ERI1: variants seen among roughly 807,000 people sequenced by gnomAD.
ERI1 encodes exoribonuclease 1, also known as 3'-5' exoribonuclease 1.
A neutral mutation model predicts 39.7 loss-of-function variants in ERI1; 39 were observed. The observed-to-expected ratio is 0.98, with a 90% CI of 0.76 to 1.28. ERI1 has a LOEUF of 1.28. Among genes scored for constraint, ERI1 ranks in the 50% most tolerant of loss-of-function variants. The pLI, the probability that ERI1 is intolerant of heterozygous loss-of-function variation, is 0.00. For missense variants in ERI1, 581 were observed against 416.9 expected (o/e 1.39, Z -3.43); for synonymous variants, 204 against 149.6 (o/e 1.36, Z -2.65).
rs1428774632 is a variant in ERI1 at position 9,011,659 on chromosome 8, T to G, written c.405T>G (p.Phe135Leu). 5 of 1,613,576 alleles carry G rather than the reference T, an allele frequency of 3.1e-6. No homozygotes were observed. The highest frequency in any genetic ancestry group is 1.3e-5 in the African/African-American group (1 of 74,930). The change falls in exon 3 of 7, where the codon TTT (phenylalanine) becomes TTG (leucine). Residue 135 changes from phenylalanine (F) to leucine (L), a missense_variant. Physicochemically the swap from Phe to Leu is conservative, Grantham distance 22. Coordinates refer to ENST00000250263, the MANE Select transcript of ERI1 (RefSeq NM_153332.4). ...SYYDYICIID[F>L]EATCEEGNPP... ...ATGACTACATTTGTATTATTGACTTTGAAGCCACTTGTGAAGAAGGAAACC... is the reference window on the plus strand; with the variant it reads ...ATGACTACATTTGTATTATTGACTTGGAAGCCACTTGTGAAGAAGGAAACC...
intron 3 of ERI1, among the ~76,000 whole-genome samples, chr8:9,090,519 G>T (rs1164438280): frequency 6.6e-6 from 1 of 152,220 alleles, no homozygotes; most frequent in Non-Finnish European, 1.5e-5. Context: ...AAATGAAGTA[G>T]AATACGTTGG....
chr8:9,072,372 A>G (rs943490082), intron 3 of ERI1: 2 of 152,214 alleles, frequency 1.3e-5, no homozygotes, highest in African/African-American at 4.8e-5. Context: ...GGACATTTCA[A>G]TATTTGGAAG....
At chr8:9,044,927 G>A (rs1798130355) in intron 3 of ERI1, among the ~76,000 whole-genome samples, 1 of 151,986 alleles carries the variant, frequency 6.6e-6, no homozygotes, top group Admixed American at 6.6e-5. Flanking sequence ...TTAGAGTCCT[G>A]ACCACGAAGC....
At position 9,030,028 on chromosome 8, in the gene ERI1, A is replaced by T. The variant is rs769403980; in HGVS notation, c.1044A>T (p.Arg348Ser). Residue 348 changes from arginine (R) to serine (S), a missense_variant, in exon 7 of 7, where the codon AGA becomes AGT. Arg to Ser is a moderately radical substitution (Grantham distance 110). Coordinates refer to ENST00000250263, the MANE Select transcript of ERI1 (RefSeq NM_153332.4). ...GTPPPQMPHF[R>S]K ...CACCACCACAAATGCCACATTTTAG[A>T]AAGTAACAACAGTTTTGTGTGTGGA... The T allele has an allele frequency of 6.3e-7, 1 of 1,584,902 alleles. No homozygotes were observed. Among genetic ancestry groups the T allele is most frequent in the Non-Finnish European group, 8.6e-7 (1 of 1,165,934 alleles).
intron 3 of ERI1, among the ~76,000 whole-genome samples, chr8:9,095,323 C>T (rs763477836): frequency 2.0e-5 from 3 of 152,100 alleles, no homozygotes; most frequent in Non-Finnish European, 2.9e-5. Flanking sequence ...ACATGGTACC[C>T]AGTAGATATC....
chr8:9,029,941 C>G lies in ERI1; in HGVS notation c.957C>G (p.Asn319Lys), dbSNP rs201877141. 6.2e-7 allele frequency: 1 copy of G among 1,614,118 alleles called. No homozygotes were observed. The highest frequency in any genetic ancestry group is 8.5e-7 in the Non-Finnish European group (1 of 1,180,018). The part of the protein sequence containing the change: ...MLQDGCELRI[N>K]EKMHAGQLMS... ...AGGATGGGTGTGAACTCCGAATCAA[C>G]GAGAAAATGCATGCAGGACAGCTAA... The change falls in exon 7 of 7, where the codon AAC (asparagine) becomes AAG (lysine). Residue 319 changes from asparagine to lysine, a missense_variant. Transcript: ENST00000250263.
At chr8:9,046,562 C>A (rs1445449387) in intron 3 of ERI1, among the ~76,000 whole-genome samples, 10 of 152,216 alleles carry the variant, frequency 6.6e-5, no homozygotes, top group Admixed American at 2.0e-4. Flanking sequence ...ACGACTCTTA[C>A]TCAAATAGCA....
chr8:9,069,746 A>G (rs1457918393), intron 3 of ERI1, among the ~76,000 whole-genome samples: 7 of 151,882 alleles, frequency 4.6e-5, no homozygotes, highest in Non-Finnish European at 7.4e-5. Flanking sequence ...TATTAAATAA[A>G]TAGGTAAATA....
Position 9,012,194 on chromosome 8 carries a change from C to G in ERI1, c.498+442C>G, listed in dbSNP as rs148989236. Among the ~76,000 whole-genome samples the G allele has an allele frequency of 2.6e-5, 4 of 152,316 alleles. No homozygotes were observed. In the East Asian group the frequency reaches 7.7e-4, roughly 29 times the overall value. ...CCACCACTGTGGCCTAGTGTGAACT[C>G]TGATCTCTAAGAATGATAATTTACA... On this transcript the variant is annotated intron_variant, in intron 3 of 6. Coordinates refer to ENST00000250263, the MANE Select transcript of ERI1 (RefSeq NM_153332.4).
chr8:9,053,595 C>T (rs1304152628), intron 3 of ERI1, among the ~76,000 whole-genome samples: 1 of 152,170 alleles, frequency 6.6e-6, no homozygotes, highest in African/African-American at 2.4e-5. Context: ...TCACCGTAGT[C>T]TGTTAATGAA....
At chr8:9,044,164 C>T (rs1424821740) in intron 3 of ERI1, among the ~76,000 whole-genome samples, 2 of 152,082 alleles carry the variant, frequency 1.3e-5, no homozygotes, top group African/African-American at 2.4e-5. Flanking sequence ...GCTGATTTAG[C>T]GAGGGTATCA....
intron 3 of ERI1, among the ~76,000 whole-genome samples, chr8:9,061,970 T>C (rs1271199253): frequency 6.6e-6 from 1 of 151,832 alleles, no homozygotes; most frequent in Non-Finnish European, 1.5e-5. Flanking sequence ...GCATTGAGGA[T>C]AGGAGAGTAT....
At chr8:9,015,518 C>T (rs75304558) in intron 3 of ERI1, among the ~76,000 whole-genome samples, 1 of 151,736 alleles carries the variant, frequency 6.6e-6, no homozygotes, top group African/African-American at 2.4e-5. Flanking sequence ...GTCAGGAGAT[C>T]GAGACCATCC....
chr8:9,009,661 T>C (rs972254550), intron 2 of ERI1, among the ~76,000 whole-genome samples: 2 of 152,136 alleles, frequency 1.3e-5, no homozygotes, highest in African/African-American at 2.4e-5. Flanking sequence ...TGCCTCAGCC[T>C]CCTGAGTAGC....
intron 3 of ERI1, among the ~76,000 whole-genome samples, chr8:9,075,910 T>A (rs146171336): frequency 6.6e-6 from 1 of 152,066 alleles, no homozygotes; most frequent in Admixed American, 6.5e-5. Context: ...AGTGTTGCGA[T>A]TACAGGGGTA....
intron 3 of ERI1, among the ~76,000 whole-genome samples, chr8:9,081,927 C>T (rs116219364): frequency 1.1e-3 from 170 of 152,210 alleles, no homozygotes; most frequent in African/African-American, 3.9e-3. Flanking sequence ...CAAATAAACC[C>T]ATTAATATTG....
At chr8:9,014,424 ACTTTC>A (rs1817011809) in intron 3 of ERI1, among the ~76,000 whole-genome samples, 1 of 152,040 alleles carries the variant, frequency 6.6e-6, no homozygotes, top group African/African-American at 2.4e-5. Context: ...TTACTGCTCT[ACTTTC>A]CTTTGCTTGC....
intron 3 of ERI1, among the ~76,000 whole-genome samples, chr8:9,050,953 C>G (rs1798337590): frequency 6.6e-6 from 1 of 152,032 alleles, no homozygotes; most frequent in Non-Finnish European, 1.5e-5. Context: ...GGGCTCATTT[C>G]TTTGTCTGGG....
At chr8:9,035,478 G>A (rs1215149989), downstream of ERI1, among the ~76,000 whole-genome samples, 2 of 152,216 alleles carry the variant, frequency 1.3e-5, no homozygotes, top group South Asian at 2.1e-4. Flanking sequence ...TAAAGGGAAC[G>A]GCAAAGCCTG....
Sources: gnomAD v4.1 joint callset for allele counts (sites outside exome capture counted in the v4.1 genomes callset) on GRCh38, gnomAD v4.1.1 for gene constraint, MANE v1.5 for transcripts, NCBI Gene and HGNC (gene_info 2026-07-23, HGNC 2026-07-21) for gene names.